The following TBC1D15 variants were observed in gnomAD, a reference collection of about 807,000 sequenced individuals.
TBC1D15 encodes GAP for RAB7.
In TBC1D15, 39 loss-of-function variants were observed where a neutral mutation model predicts 95.4. That is an observed-to-expected ratio of 0.41 (90% CI 0.32 to 0.53). The LOEUF (loss-of-function observed/expected upper bound fraction) is 0.53. Among genes scored for constraint, TBC1D15 ranks in the 20% least tolerant of loss-of-function variants. TBC1D15 has a pLI of 0.29. For missense variants in TBC1D15, 733 were observed against 794.3 expected (o/e 0.92, Z 0.93); for synonymous variants, 258 against 261.3 (o/e 0.99, Z 0.12).
chr12:71,849,437 A>G (rs1887198147), intron 1 of TBC1D15: 4 of 1,125,620 alleles, frequency 3.6e-6, no homozygotes, highest in South Asian at 1.2e-5. Context: ...AAAACACTCC[A>G]TGGGCCTCTT....
At chr12:71,911,881 A>T (rs1019019695) in intron 11 of TBC1D15, among the ~76,000 whole-genome samples, 1 of 152,316 alleles carries the variant, frequency 6.6e-6, no homozygotes, top group African/African-American at 2.4e-5. Flanking sequence ...AGAAATATGT[A>T]GTGATTCCAT....
chr12:71,895,904 A>G (rs1898062098), intron 7 of TBC1D15, 43 bp from the exon 8 acceptor site: 2 of 1,567,480 alleles, frequency 1.3e-6, no homozygotes, highest in African/African-American at 1.4e-5. Context: ...ATTTCATTTC[A>G]CTGGTTAAAT....
chr12:71,872,018 A>G (rs1892810838), intron 1 of TBC1D15, 52 bp from the exon 2 acceptor site: 1 of 784,326 alleles, frequency 1.3e-6, no homozygotes, highest in Non-Finnish European at 1.9e-6. Context: ...TTAACATGTT[A>G]AAATAGTACT....
Position 71,921,411 on chromosome 12 carries a change from T to C in TBC1D15, c.1760T>C (p.Leu587Pro). ...ATGAAAATTGATGTGGAAGATATAC[T>C]CTGCAAGGCAGAAGCAATTTCTCTA... ...LSMKIDVEDI[L>P]CKAEAISLQM... Residue 587 changes from leucine (L) to proline (P), a missense_variant, in exon 16 of 17, where the codon CTC becomes CCC. Physicochemically the swap from Leu to Pro is moderately conservative, Grantham distance 98. Coordinates refer to ENST00000485960, the MANE Select transcript of TBC1D15 (RefSeq NM_001146213.3). The C allele has an allele frequency of 6.4e-7, 1 of 1,568,706 alleles. No individual in the cohort carries two copies. Among genetic ancestry groups the C allele is most frequent in the Non-Finnish European group, 8.7e-7 (1 of 1,152,326 alleles).
chr12:71,896,052 A>T lies in TBC1D15; in HGVS notation c.961A>T (p.Met321Leu). ...SEGRILNVDN[M>L]KQMIFRGGLS... ...AGGAAGAATTTTAAATGTAGATAAT[A>T]TGAAGCAGATGATATTTAGAGGGGT... Residue 321 changes from methionine (M) to leucine (L), a missense_variant, in exon 8 of 17, where the codon ATG becomes TTG. Transcript: ENST00000485960. 6.2e-7 allele frequency: 1 copy of T among 1,610,564 alleles called. No individual in the cohort carries two copies. The highest frequency in any genetic ancestry group is 8.5e-7 in the Non-Finnish European group (1 of 1,177,370).
intron 1 of TBC1D15, among the ~76,000 whole-genome samples, chr12:71,841,747 A>G (rs1025535380): frequency 2.0e-5 from 3 of 152,036 alleles, no homozygotes; most frequent in African/African-American, 2.4e-5. Context: ...TCTGCCCTTA[A>G]TCTTCTCTAC....
chr12:71,917,868 C>G (rs1451399991), intron 13 of TBC1D15, 71 bp downstream of exon 13: 4 of 1,062,660 alleles, frequency 3.8e-6, no homozygotes, highest in Non-Finnish European at 5.7e-6. Context: ...GTAAAGAACT[C>G]TTTAAAGAAG....
chr12:71,894,311 T>G (rs199761292), intron 6 of TBC1D15: 1 of 1,612,030 alleles, frequency 6.2e-7, no homozygotes, highest in Non-Finnish European at 8.5e-7. Context: ...AAGAAATATT[T>G]TTTTTGTATG....
intron 10 of TBC1D15, among the ~76,000 whole-genome samples, chr12:71,901,375 GA>G (rs1229393743): frequency 6.6e-6 from 1 of 152,028 alleles, no homozygotes; most frequent in African/African-American, 2.4e-5. Flanking sequence ...AAAACTGTTA[GA>G]GAAGAAAGTC....
intron 10 of TBC1D15, among the ~76,000 whole-genome samples, chr12:71,899,081 A>G (rs1898789600): frequency 6.6e-6 from 1 of 152,148 alleles, no homozygotes; most frequent in African/African-American, 2.4e-5. Context: ...AGCATAAAAT[A>G]TTCGAACTGG....
At chr12:71,912,502 G>C (rs1902636236) in intron 11 of TBC1D15, among the ~76,000 whole-genome samples, 1 of 152,120 alleles carries the variant, frequency 6.6e-6, no homozygotes, top group Non-Finnish European at 1.5e-5. Flanking sequence ...TATTTGTAAG[G>C]AGATTCTGAG....
chr12:71,888,431 ACT>A (rs1383440851), intron 5 of TBC1D15, among the ~76,000 whole-genome samples: 13 of 150,092 alleles, frequency 8.7e-5, no homozygotes, highest in Non-Finnish European at 1.8e-4. Flanking sequence ...ATGTCATTGC[ACT>A]CCATCCAGCC....
chr12:71,877,686 G>A (rs1181607766), intron 3 of TBC1D15, among the ~76,000 whole-genome samples: 2 of 151,650 alleles, frequency 1.3e-5, no homozygotes, highest in East Asian at 3.9e-4. Flanking sequence ...CTTGTTCTGA[G>A]TGTCCTCGTG....
intron 1 of TBC1D15, among the ~76,000 whole-genome samples, chr12:71,869,852 T>C (rs746886589): frequency 5.3e-5 from 8 of 152,190 alleles, no homozygotes; most frequent in Non-Finnish European, 1.2e-4. Context: ...CCTTTTTTCA[T>C]GTTACTCTTT....
chr12:71,854,233 A>G (rs571763038), intron 1 of TBC1D15, among the ~76,000 whole-genome samples: 76 of 152,292 alleles, frequency 5.0e-4, no homozygotes, highest in Non-Finnish European at 9.1e-4. Flanking sequence ...CATGAAAACT[A>G]TTGTTTCACA....
chr12:71,909,365 A>C (rs1192174431), intron 11 of TBC1D15, among the ~76,000 whole-genome samples: 1 of 152,198 alleles, frequency 6.6e-6, no homozygotes, highest in African/African-American at 2.4e-5. Flanking sequence ...TAGGTGAGGT[A>C]TAGGTGTATT....
intron 1 of TBC1D15, chr12:71,861,490 G>T (rs762210520): frequency 1.3e-6 from 2 of 1,535,904 alleles, no homozygotes; most frequent in Non-Finnish European, 1.8e-6. Context: ...AGTATGGTAG[G>T]AGTATGGTAG....
intron 10 of TBC1D15, among the ~76,000 whole-genome samples, chr12:71,898,836 G>A (rs923983348): frequency 2.0e-5 from 3 of 152,070 alleles, no homozygotes; most frequent in Non-Finnish European, 4.4e-5. Flanking sequence ...ATTTGGTACC[G>A]TTTGTGGACA....
chr12:71,922,187 C>T (rs934829096), intron 16 of TBC1D15, among the ~76,000 whole-genome samples: 3 of 152,084 alleles, frequency 2.0e-5, no homozygotes, highest in South Asian at 2.1e-4. Context: ...TGAGTTCAGT[C>T]GATTCTCCTG....
Sources: gnomAD v4.1 joint callset for allele counts (sites outside exome capture counted in the v4.1 genomes callset) on GRCh38, gnomAD v4.1.1 for gene constraint, MANE v1.5 for transcripts, NCBI Gene and HGNC (gene_info 2026-07-23, HGNC 2026-07-21) for gene names.